SIRT5: variants seen among roughly 807,000 people sequenced by gnomAD.
SIRT5 encodes the protein NAD-dependent protein deacylase sirtuin-5, mitochondrial.
SIRT5 carries 26 observed loss-of-function variants against 40.0 expected under a neutral mutation model. The observed-to-expected ratio is 0.65, with a 90% CI of 0.48 to 0.90. The LOEUF is 0.90. Ranked by LOEUF, SIRT5 falls within the 40% of genes least tolerant of loss-of-function variation. The pLI, the probability that SIRT5 is intolerant of heterozygous loss-of-function variation, is 0.00. For missense variants in SIRT5, 401 were observed against 402.4 expected, an observed-to-expected ratio of 1.00 and a Z score of 0.03; for synonymous variants, 146 against 149.1, an observed-to-expected ratio of 0.98 and a Z score of 0.15.
At chr6:13,585,161 G>A (rs1759896561) in intron 3 of SIRT5, 1 of 152,132 alleles carries the variant, frequency 6.6e-6, no homozygotes, top group South Asian at 2.1e-4. Context: ...GGGTAGTTGG[G>A]TTGGTTGCAA....
Position 13,615,111 on chromosome 6 carries a change from C to T in SIRT5, c.*3246C>T, listed in dbSNP as rs1262128015. ...TGGCTCTTCCCTGCCTTGAAATCAA[C>T]CCCATTGCCAGCCGCTTTCGCCGGC... On this transcript the variant is annotated 3_prime_UTR_variant, in exon 10 of 10. Transcript: ENST00000606117. 4 of 482,452 alleles carry T rather than the reference C, an allele frequency of 8.3e-6. No homozygotes were observed. Among genetic ancestry groups the T allele is most frequent in the African/African-American group, 2.0e-5 (1 of 48,996 alleles). 29.9% of individuals were successfully genotyped at this position (482,452 alleles called of 1,614,324 possible).
At chr6:13,588,796 A>C (rs980003071) in intron 4 of SIRT5, among the ~76,000 whole-genome samples, 1 of 152,220 alleles carries the variant, frequency 6.6e-6, no homozygotes, top group African/African-American at 2.4e-5. Context: ...AGTATGACAC[A>C]TAAAGTTTCT....
intron 9 of SIRT5, 125 bp from the exon 10 acceptor site, chr6:13,611,665 A>G: frequency 1.4e-6 from 1 of 725,764 alleles, no homozygotes; most frequent in Admixed American, 1.9e-5. Flanking sequence ...AATTCATAAT[A>G]CCATCTTTAT....
intron 9 of SIRT5, chr6:13,605,798 T>C: frequency 1.0e-6 from 1 of 985,430 alleles, no homozygotes; most frequent in Non-Finnish European, 1.2e-6. Context: ...GATTTGTACA[T>C]TCGCTGAGGC....
In SIRT5 at chr6:13,614,315, AG is replaced by A. The variant is rs1237786437; in HGVS notation, c.*2454del. ...AGAGATGGGCAGAGTGGGATGGGGT[AG>A]GGGTAAGGTGCTTGAAATTTGCCTG... On this transcript the variant is annotated 3_prime_UTR_variant, in exon 10 of 10. Coordinates refer to ENST00000606117, the MANE Select transcript of SIRT5 (RefSeq NM_012241.5). 2.0e-5 allele frequency: 3 copies of A among 152,190 alleles called. No individual in the cohort carries two copies. Among genetic ancestry groups the A allele is most frequent in the African/African-American group, 7.2e-5 (3 of 41,456 alleles). The allele number at this position is 152,190 out of a possible 1,614,324, so 9.4% of individuals were successfully genotyped here.
At chr6:13,594,343 A>T (rs892635572) in intron 5 of SIRT5, among the ~76,000 whole-genome samples, 1 of 152,232 alleles carries the variant, frequency 6.6e-6, no homozygotes, top group Non-Finnish European at 1.5e-5. Context: ...CTGACAAAGT[A>T]GGTTTATTGG....
At chr6:13,592,914 A>AT (rs2127663466) in intron 5 of SIRT5, among the ~76,000 whole-genome samples, 2 of 56,500 alleles carry the variant, frequency 3.5e-5, no homozygotes, top group Admixed American at 2.0e-4. Flanking sequence ...AATTTAATTT[A>AT]ATTTTTTTTT....
intron 4 of SIRT5, among the ~76,000 whole-genome samples, chr6:13,589,964 T>C (rs1172836234): frequency 6.6e-6 from 1 of 152,140 alleles, no homozygotes; most frequent in Non-Finnish European, 1.5e-5. Flanking sequence ...CTCCAGGCCA[T>C]GTGTTCTAGG....
intron 8 of SIRT5, 47 bp downstream of exon 8, chr6:13,599,202 A>C: frequency 3.2e-6 from 5 of 1,563,836 alleles, no homozygotes; most frequent in Non-Finnish European, 3.5e-6. Flanking sequence ...GGAGTTTGTT[A>C]TTTTTTCCTT....
At position 13,607,816 on chromosome 6, in the gene SIRT5, C is replaced by T. The variant is rs1460612597; in HGVS notation, c.858-3974C>T. 2.0e-5 allele frequency among the ~76,000 whole-genome samples: 3 copies of T among 152,144 alleles called. No individual in the cohort carries two copies. Among genetic ancestry groups the T allele is most frequent in the African/African-American group, 4.8e-5 (2 of 41,416 alleles). On this transcript the variant is annotated intron_variant, in intron 9 of 9. Coordinates refer to ENST00000606117, the MANE Select transcript of SIRT5 (RefSeq NM_012241.5). The surrounding 1 kb of genome is among the most constrained non-coding windows in gnomAD (Gnocchi z 4.0). The stretch of plus-strand genomic sequence containing the variant: ...TTGCCCAGGCTGGACTGCAGTGGCA[C>T]GATCTCGACTCACTGCAACCTCCGC...
At chr6:13,611,748 AC>A (rs1763962769) in intron 9 of SIRT5, 41 bp from the exon 10 acceptor site, 2 of 1,449,700 alleles carry the variant, frequency 1.4e-6, no homozygotes, top group Non-Finnish European at 1.9e-6. Context: ...CATTTTGCTA[AC>A]CTGTAGTTCA....
Position 13,613,699 on chromosome 6 carries a change from C to G in SIRT5, c.*1834C>G, listed in dbSNP as rs1054325438. Reference sequence around the variant, plus strand: ...AGGGACCCTGAGGGCTCGATGTACACTTTACATGGGTGGGCCAAGGAGTTT... The same window carrying G: ...AGGGACCCTGAGGGCTCGATGTACAGTTTACATGGGTGGGCCAAGGAGTTT... On this transcript the variant is annotated 3_prime_UTR_variant, in exon 10 of 10. Transcript: ENST00000606117. 2 of 152,260 alleles carry G rather than the reference C, an allele frequency of 1.3e-5. No individual in the cohort carries two copies. The highest frequency in any genetic ancestry group is 4.8e-5 in the African/African-American group (2 of 41,458). The allele number at this position is 152,260 out of a possible 1,614,324, so 9.4% of individuals were successfully genotyped here. A position where few individuals can be genotyped will look rare whatever the true frequency, so the allele number is the denominator to read the frequency against.
rs756623268 is a variant in SIRT5, at chr6:13,591,745, T to TG, written c.330dup (p.Ser111GlufsTer15). The TG allele has an allele frequency of 4.2e-5, 67 of 1,612,856 alleles. No individual in the cohort carries two copies. In the South Asian group the frequency reaches 7.4e-4, roughly 18 times the overall value. On this transcript the variant is annotated frameshift_variant, in exon 5 of 10. Transcript: ENST00000606117. LOFTEE classifies it high-confidence loss of function. ...TTCTACCACTACCGGCGGGAGGTCA[T>TG]GGGGAGCAAGGAGCCCAACGCCGGG...
chr6:13,582,863 A>C (rs1404747430), intron 2 of SIRT5, among the ~76,000 whole-genome samples: 1 of 152,200 alleles, frequency 6.6e-6, no homozygotes, highest in Non-Finnish European at 1.5e-5. Flanking sequence ...GTCACAGTAC[A>C]CTTCTTTCCT....
chr6:13,585,628 A>G (rs539831525), intron 3 of SIRT5, among the ~76,000 whole-genome samples: 1 of 152,268 alleles, frequency 6.6e-6, no homozygotes, highest in African/African-American at 2.4e-5. Flanking sequence ...ACATTTTCTT[A>G]GTCCAGTCTA....
At chr6:13,587,708 C>A (rs745785973) in intron 3 of SIRT5, among the ~76,000 whole-genome samples, 2 of 152,190 alleles carry the variant, frequency 1.3e-5, no homozygotes, top group African/African-American at 4.8e-5. Flanking sequence ...CCTTTGCTAC[C>A]CCAAGTCTCT....
At chr6:13,574,787 G>C (rs1451407315) in intron 1 of SIRT5, 43 bp downstream of exon 1, 1 of 152,624 alleles carries the variant, frequency 6.6e-6, no homozygotes, top group African/African-American at 2.4e-5. Context: ...CTGGAGACCA[G>C]GGAGGGGGAT....
rs1403340640 is a variant in SIRT5, at chr6:13,607,794, C to T, written c.858-3996C>T. 6.6e-6 allele frequency among the ~76,000 whole-genome samples: 1 copy of T among 152,168 alleles called. No homozygotes were observed. Among genetic ancestry groups the T allele is most frequent in the Non-Finnish European group, 1.5e-5 (1 of 68,038 alleles). ...TTTGAGACAGAGTCTGGCTCTGTTGCCCAGGCTGGACTGCAGTGGCACGAT... is the reference window on the plus strand; with the variant it reads ...TTTGAGACAGAGTCTGGCTCTGTTGTCCAGGCTGGACTGCAGTGGCACGAT... On this transcript the variant is annotated intron_variant, in intron 9 of 9. Coordinates refer to ENST00000606117, the MANE Select transcript of SIRT5 (RefSeq NM_012241.5). This position sits in a 1 kb window ranked among gnomAD's most constrained non-coding sequence, Gnocchi z 4.0.
At chr6:13,588,594 C>A in intron 4 of SIRT5, 130 bp downstream of exon 4, 1 of 1,179,800 alleles carries the variant, frequency 8.5e-7, no homozygotes, top group Non-Finnish European at 1.1e-6. Context: ...CCTATTGTCT[C>A]ATTGATTTTG....
Sources: allele counts gnomAD v4.1 joint callset (sites outside exome capture counted in the v4.1 genomes callset), GRCh38; gene constraint gnomAD v4.1.1; non-coding constraint Gnocchi (gnomAD v3.1); transcripts MANE v1.5; gene names NCBI Gene and HGNC (gene_info 2026-07-23, HGNC 2026-07-21).